SRGAP1: variants seen among roughly 807,000 people sequenced by gnomAD.
SRGAP1 encodes SLIT-ROBO Rho GTPase activating protein 1.
Under a neutral mutation model 121.9 loss-of-function variants are expected in SRGAP1, and 43 were observed. The observed-to-expected ratio is 0.35, with a 90% CI of 0.28 to 0.46. SRGAP1 has a LOEUF of 0.46. SRGAP1 is among the 20% of genes least tolerant of loss of function. SRGAP1 has a pLI of 1.00. For missense variants in SRGAP1, 1,102 were observed against 1,350.9 expected (o/e 0.82, Z 2.89); for synonymous variants, 447 against 485.4 (o/e 0.92, Z 1.04).
At chr12:63,952,356 T>A (rs58964595) in intron 1 of SRGAP1, among the ~76,000 whole-genome samples, 3,028 of 151,822 alleles carry the variant, frequency 0.02, 85 homozygotes, top group African/African-American at 0.066. Context: ...TACAAAAAAA[T>A]TTTTTTTTAA....
intron 1 of SRGAP1, chr12:63,888,415 A>G (rs1013748446): frequency 6.6e-6 from 1 of 152,222 alleles, no homozygotes; most frequent in East Asian, 1.9e-4. Flanking sequence ...AGTATCAGAC[A>G]TCGGCTCATC....
chr12:64,068,421 A>G (rs895374998), intron 8 of SRGAP1, among the ~76,000 whole-genome samples: 24 of 151,656 alleles, frequency 1.6e-4, no homozygotes, highest in African/African-American at 5.8e-4. Context: ...TTGCACCTTG[A>G]CCTCACAGGC....
chr12:63,969,840 G>A (rs1448094660), intron 1 of SRGAP1, among the ~76,000 whole-genome samples: 1 of 151,210 alleles, frequency 6.6e-6, no homozygotes, highest in East Asian at 1.9e-4. Flanking sequence ...CTGAAGACAA[G>A]CATGTACAGA....
intron 1 of SRGAP1, among the ~76,000 whole-genome samples, chr12:63,928,620 A>G (rs3911399): frequency 0.27 from 41,432 of 151,714 alleles, 6,041 homozygotes; most frequent in East Asian, 0.52. Context: ...GGCACCAGAG[A>G]CTGGTTTCAT....
intron 10 of SRGAP1, among the ~76,000 whole-genome samples, chr12:64,084,301 G>A (rs2035899446): frequency 6.6e-6 from 1 of 152,126 alleles, no homozygotes; most frequent in African/African-American, 2.4e-5. Flanking sequence ...TTAAGCCTGG[G>A]TTATTTTTTT....
chr12:63,887,953 T>A (rs892339456), intron 1 of SRGAP1: 1 of 152,282 alleles, frequency 6.6e-6, no homozygotes, highest in African/African-American at 2.4e-5. Context: ...TCCTTTCCTC[T>A]GTCCTGAAGA....
At chr12:64,093,404 T>C (rs1256603906) in intron 12 of SRGAP1, among the ~76,000 whole-genome samples, 1 of 152,186 alleles carries the variant, frequency 6.6e-6, no homozygotes, top group Non-Finnish European at 1.5e-5. Context: ...ACATTTTTTA[T>C]TGAGAACTTT....
intron 1 of SRGAP1, among the ~76,000 whole-genome samples, chr12:63,870,312 G>A (rs1219971263): frequency 1.3e-5 from 2 of 152,104 alleles, no homozygotes; most frequent in African/African-American, 4.8e-5. Flanking sequence ...GGTAGAACTT[G>A]CCTGTAGAGA....
chr12:63,880,930 C>G (rs944949229), intron 1 of SRGAP1, among the ~76,000 whole-genome samples: 1 of 152,166 alleles, frequency 6.6e-6, no homozygotes, highest in East Asian at 1.9e-4. Context: ...CTTCCTTTAT[C>G]TGCACACTCT....
Position 64,097,341 on chromosome 12 carries a change from TAAG to T in SRGAP1, c.1780_1782del (p.Lys594del), listed in dbSNP as rs1374748098. On this transcript the variant is annotated inframe_deletion, in exon 15 of 22. Transcript: ENST00000355086. ...GTGGGCTGGAAAACCCCCTCTTTCC[TAAG>T]GAAAGATTTAACGATCTGATTTCTT... The T allele has an allele frequency of 6.2e-7, 1 of 1,613,336 alleles. No homozygotes were observed.
rs1173834661 is a variant in SRGAP1 at position 64,150,793 on chromosome 12, GACATAGTAGT to G, written c.*8126_*8135del. ...AAAAAAAAAATACAAAAATTAGCCA[GACATAGTAGT>G]ACATGCCTATAGTACTAGGTACTTG... On this transcript the variant is annotated 3_prime_UTR_variant, in exon 22 of 22. Coordinates refer to ENST00000355086, the MANE Select transcript of SRGAP1 (RefSeq NM_020762.4). 1 of 100,378 alleles carries G rather than the reference GACATAGTAGT, an allele frequency of 1.0e-5. No individual in the cohort carries two copies. Among genetic ancestry groups the G allele is most frequent in the Non-Finnish European group, 2.4e-5 (1 of 41,784 alleles). The allele number at this position is 100,378 out of a possible 1,614,324, so 6.2% of individuals were successfully genotyped here. A position where few individuals can be genotyped will look rare whatever the true frequency, so the allele number is the denominator to read the frequency against.
In SRGAP1 at chr12:64,127,771, G is replaced by T. The variant is rs375630858; in HGVS notation, c.2540+47G>T. On this transcript the variant is annotated intron_variant, in intron 20 of 21. Coordinates refer to ENST00000355086, the MANE Select transcript of SRGAP1 (RefSeq NM_020762.4). ...GGCCCCTAAGCCTCCGCTCCTCCTG[G>T]GGCCATGAGGAGCCACTGCACCTCA... 31 of 1,605,988 alleles carry T rather than the reference G, an allele frequency of 1.9e-5. No homozygotes were observed. The African/African-American group carries it at 3.9e-4, about 20-fold the overall frequency.
intron 1 of SRGAP1, among the ~76,000 whole-genome samples, chr12:63,968,033 GT>G (rs2032837026): frequency 6.6e-6 from 1 of 152,140 alleles, no homozygotes. Flanking sequence ...TGGCATCCAA[GT>G]TACAAATACA....
chr12:64,074,199 C>T lies in SRGAP1; in HGVS notation c.1126-4720C>T, dbSNP rs141919102. ...ATCATGTTCATTCCCACTCTTACTT[C>T]GTTAGATCAAGGTTTCATCATCTCT... On this transcript the variant is annotated intron_variant, in intron 8 of 21. Transcript: ENST00000355086. 8.4e-4 allele frequency among the ~76,000 whole-genome samples: 128 copies of T among 152,266 alleles called. 1 individual carries two copies. Among genetic ancestry groups the T allele is most frequent in the Middle Eastern group, 3.4e-3 (1 of 292 alleles).
rs148835302 is a variant in SRGAP1 at position 63,936,503 on chromosome 12, A to G, written c.68-47444A>G. ...CTTCTGAGAATTTTTGTAGACACTA[A>G]GAGAGATGACCCTTCATTGTCTGTG... On this transcript the variant is annotated intron_variant, in intron 1 of 21. Coordinates refer to ENST00000355086, the MANE Select transcript of SRGAP1 (RefSeq NM_020762.4). Among the ~76,000 whole-genome samples, 259 of 152,248 alleles carry G rather than the reference A, an allele frequency of 1.7e-3. 1 individual carries two copies. Among genetic ancestry groups the G allele is most frequent in the South Asian group, 5.0e-3 (24 of 4,814 alleles).
rs143420244 is a variant in SRGAP1, at chr12:63,936,519, A to G, written c.68-47428A>G. Among the ~76,000 whole-genome samples the G allele has an allele frequency of 3.1e-4, 47 of 152,220 alleles. No individual in the cohort carries two copies. In the East Asian group the frequency reaches 8.5e-3, roughly 28 times the overall value. ...TAGACACTAAGAGAGATGACCCTTC[A>G]TTGTCTGTGGACTTTTTCTGGTCTC... On this transcript the variant is annotated intron_variant, in intron 1 of 21. Coordinates refer to ENST00000355086, the MANE Select transcript of SRGAP1 (RefSeq NM_020762.4).
At chr12:63,904,923 G>A (rs951170410) in intron 1 of SRGAP1, among the ~76,000 whole-genome samples, 1 of 152,032 alleles carries the variant, frequency 6.6e-6, no homozygotes, top group Non-Finnish European at 1.5e-5. Flanking sequence ...GACAGAGCAG[G>A]ACCCTGTCTA....
In SRGAP1 at chr12:63,862,312, T is replaced by G. The variant is rs887108274; in HGVS notation, c.67+17429T>G. On this transcript the variant is annotated intron_variant, in intron 1 of 21. Coordinates refer to ENST00000355086, the MANE Select transcript of SRGAP1 (RefSeq NM_020762.4). ...TGTGGAGACCTATGACACTAGGCCC[T>G]GCGGGGGAGGTGCCACCCTGCAGGC... Among the ~76,000 whole-genome samples, 9 of 152,166 alleles carry G rather than the reference T, an allele frequency of 5.9e-5. No homozygotes were observed. The East Asian group carries it at 1.5e-3, about 26-fold the overall frequency.
At chr12:64,091,757 C>A in intron 12 of SRGAP1, 2 of 653,452 alleles carry the variant, frequency 3.1e-6, no homozygotes, top group Non-Finnish European at 5.2e-6. Context: ...TGAAACACAG[C>A]AGGAGTTTTG....
Sources: gnomAD v4.1 joint callset for allele counts (sites outside exome capture counted in the v4.1 genomes callset) on GRCh38, gnomAD v4.1.1 for gene constraint, MANE v1.5 for transcripts, NCBI Gene and HGNC (gene_info 2026-07-23, HGNC 2026-07-21) for gene names.